LDLRAD3: variants seen among roughly 807,000 people sequenced by gnomAD.
The protein encoded by LDLRAD3 is low-density lipoprotein receptor class A domain-containing protein 3.
In LDLRAD3, 20 loss-of-function variants were observed where a neutral mutation model predicts 29.4. The ratio of observed to expected loss-of-function variants is 0.68; its 90% CI spans 0.48 to 0.99. LDLRAD3 has a LOEUF of 0.99. LDLRAD3 is among the 50% of genes least tolerant of loss of function. LDLRAD3 has a pLI of 0.00. For missense variants in LDLRAD3, 420 were observed against 454.3 expected (o/e 0.92, Z 0.69); for synonymous variants, 157 against 192.7 (o/e 0.81, Z 1.53).
chr11:36,137,305 G>GTT (rs1371223155), intron 4 of LDLRAD3, among the ~76,000 whole-genome samples: 10 of 152,328 alleles, frequency 6.6e-5, no homozygotes, highest in South Asian at 4.1e-4. Context: ...TCCTTTGCCT[G>GTT]CCTGAACACC....
chr11:36,145,774 A>C (rs1384945100), intron 4 of LDLRAD3, among the ~76,000 whole-genome samples: 1 of 150,746 alleles, frequency 6.6e-6, no homozygotes, highest in Non-Finnish European at 1.5e-5. Context: ...GGGTGGTGCA[A>C]GATGTGCTTT....
rs1369009943 is a variant in LDLRAD3 at position 36,191,597 on chromosome 11, T to TAC, written c.455-35487_455-35486insCA. ...CTCTCTATATATATATATATATATA[T>TAC]ATACACACACACACACACACACACA... On this transcript the variant is annotated intron_variant, in intron 4 of 5. Coordinates refer to ENST00000315571, the MANE Select transcript of LDLRAD3 (RefSeq NM_174902.4). Among the ~76,000 whole-genome samples, 180 of 101,334 alleles carry TAC rather than the reference T, an allele frequency of 1.8e-3. 1 individual carries two copies. The highest frequency in any genetic ancestry group is 4.8e-3 in the African/African-American group (119 of 25,034). 66.5% of individuals were successfully genotyped at this position (101,334 alleles called of 152,430 possible). A position where few individuals can be genotyped will look rare whatever the true frequency, so the allele number is the denominator to read the frequency against.
intron 2 of LDLRAD3, among the ~76,000 whole-genome samples, chr11:36,053,973 G>C (rs1852567712): frequency 6.6e-6 from 1 of 152,154 alleles, no homozygotes; most frequent in African/African-American, 2.4e-5. Context: ...TTGCCCTGTA[G>C]GGTATATTTC....
intron 4 of LDLRAD3, among the ~76,000 whole-genome samples, chr11:36,155,159 A>G (rs1854330189): frequency 6.6e-6 from 1 of 152,146 alleles, no homozygotes; most frequent in Non-Finnish European, 1.5e-5. Flanking sequence ...AGAGTGGATC[A>G]CAGCTGTCTA....
intron 1 of LDLRAD3, among the ~76,000 whole-genome samples, chr11:35,950,268 C>T (rs1590675709): frequency 6.6e-6 from 1 of 152,290 alleles, no homozygotes; most frequent in Admixed American, 6.5e-5. Context: ...TCACAGTGCC[C>T]AGGCAAACAT....
At chr11:35,985,836 A>G (rs1851608016) in intron 1 of LDLRAD3, among the ~76,000 whole-genome samples, 1 of 146,390 alleles carries the variant, frequency 6.8e-6, no homozygotes, top group African/African-American at 2.6e-5. Flanking sequence ...CTGTGAGTCC[A>G]TTAAGCCTTT....
At chr11:36,009,291 T>C (rs1851925371) in intron 1 of LDLRAD3, among the ~76,000 whole-genome samples, 1 of 152,196 alleles carries the variant, frequency 6.6e-6, no homozygotes, top group Non-Finnish European at 1.5e-5. Context: ...CTTTTAATAG[T>C]ATTAAATCAA....
chr11:35,978,577 C>A (rs1170829619), intron 1 of LDLRAD3, among the ~76,000 whole-genome samples: 1 of 151,992 alleles, frequency 6.6e-6, no homozygotes, highest in East Asian at 1.9e-4. Flanking sequence ...TGACCCAGTA[C>A]CCCAGACCTG....
At chr11:36,026,529 C>T (rs754127953) in intron 1 of LDLRAD3, among the ~76,000 whole-genome samples, 10 of 152,100 alleles carry the variant, frequency 6.6e-5, no homozygotes, top group East Asian at 1.9e-4. Flanking sequence ...GCCACATTCC[C>T]GGGAGGTTAG....
intron 3 of LDLRAD3, among the ~76,000 whole-genome samples, chr11:36,083,755 CACACACACACACACACACACACACA>C (rs1853152644): frequency 2.0e-5 from 3 of 151,128 alleles, no homozygotes; most frequent in African/African-American, 7.3e-5. Flanking sequence ...CACACACACA[CACACACACACACACACACACACACA>C]CCCCAGAATA....
At chr11:35,961,058 T>C (rs1314929872) in intron 1 of LDLRAD3, among the ~76,000 whole-genome samples, 2 of 152,204 alleles carry the variant, frequency 1.3e-5, no homozygotes, top group Non-Finnish European at 2.9e-5. Flanking sequence ...TGGCATGGCA[T>C]GAACGTCCAG....
At chr11:36,069,423 A>T (rs1187792587) in intron 2 of LDLRAD3, among the ~76,000 whole-genome samples, 2 of 152,254 alleles carry the variant, frequency 1.3e-5, no homozygotes, top group Non-Finnish European at 2.9e-5. Context: ...AATAGCAGCA[A>T]CATCAGATCG....
At chr11:36,084,580 A>G (rs373528735) in intron 3 of LDLRAD3, among the ~76,000 whole-genome samples, 1 of 152,382 alleles carries the variant, frequency 6.6e-6, no homozygotes, top group African/African-American at 2.4e-5. Context: ...TATGTGAATT[A>G]TACTTCAGAG....
intron 4 of LDLRAD3, among the ~76,000 whole-genome samples, chr11:36,136,430 G>A (rs577714237): frequency 2.6e-5 from 4 of 152,284 alleles, no homozygotes; most frequent in East Asian, 1.9e-4. Flanking sequence ...GGGGCCTGGT[G>A]GGAGGTGTTT....
At position 36,229,802 on chromosome 11, in the gene LDLRAD3, G is replaced by C. The variant is rs151097087; in HGVS notation, c.*405G>C. 6.0e-6 allele frequency: 1 copy of C among 167,032 alleles called. No individual in the cohort carries two copies. Among genetic ancestry groups the C allele is most frequent in the African/African-American group, 2.4e-5 (1 of 42,144 alleles). 10.3% of individuals were successfully genotyped at this position (167,032 alleles called of 1,614,324 possible). ...CTCTCTGCTGGGTAGTTACCTTATA[G>C]CATTTGGGGATTTGGGTTAGATGAT... On this transcript the variant is annotated 3_prime_UTR_variant, in exon 6 of 6. Transcript: ENST00000315571.
intron 4 of LDLRAD3, among the ~76,000 whole-genome samples, chr11:36,140,441 A>G (rs990829850): frequency 6.6e-6 from 1 of 152,160 alleles, no homozygotes; most frequent in African/African-American, 2.4e-5. Context: ...CAGCACATCA[A>G]TTTTTGAGAC....
chr11:36,189,301 C>A (rs1055300894), intron 4 of LDLRAD3, among the ~76,000 whole-genome samples: 2 of 152,102 alleles, frequency 1.3e-5, no homozygotes, highest in Non-Finnish European at 2.9e-5. Flanking sequence ...GCCTGGCCAA[C>A]ATGGTGAAAC....
At position 36,092,994 on chromosome 11, in the gene LDLRAD3, T is replaced by C. The variant is rs535246668; in HGVS notation, c.320-5333T>C. On this transcript the variant is annotated intron_variant, in intron 3 of 5. Coordinates refer to ENST00000315571, the MANE Select transcript of LDLRAD3 (RefSeq NM_174902.4). ...TTACACTGTGTTTTATGAGGAGTCA[T>C]TGACAAGGTGGAATGCTAGGTGTGG... 4.6e-5 allele frequency among the ~76,000 whole-genome samples: 7 copies of C among 152,342 alleles called. No individual in the cohort carries two copies. The East Asian group carries it at 1.4e-3, about 29-fold the overall frequency.
chr11:36,019,028 A>AC (rs1852058075), intron 1 of LDLRAD3, among the ~76,000 whole-genome samples: 1 of 152,212 alleles, frequency 6.6e-6, no homozygotes, highest in African/African-American at 2.4e-5. Flanking sequence ...ACTCTATAAA[A>AC]GACCAAGTAC....
Sources: allele counts gnomAD v4.1 joint callset (sites outside exome capture counted in the v4.1 genomes callset), GRCh38; gene constraint gnomAD v4.1.1; transcripts MANE v1.5; gene names NCBI Gene and HGNC (gene_info 2026-07-23, HGNC 2026-07-21).